KLHL5: variants seen among roughly 807,000 people sequenced by gnomAD.
KLHL5 encodes the protein kelch-like protein 5.
In KLHL5, 48 loss-of-function variants were observed where a neutral mutation model predicts 77.7. That is an observed-to-expected ratio of 0.62 (90% CI 0.49 to 0.79). The LOEUF is 0.79. Ranked by LOEUF, KLHL5 falls within the 30% of genes least tolerant of loss-of-function variation. KLHL5 has a pLI of 0.00. For synonymous variants in KLHL5, 260 were observed against 297.0 expected (o/e 0.88, Z 1.28); for missense variants, 723 against 859.7 (o/e 0.84, Z 1.99).
the KLHL5 span, among the ~76,000 whole-genome samples, chr4:39,141,116 G>A: frequency 6.6e-6 from 1 of 152,092 alleles, no homozygotes; most frequent in African/African-American, 2.4e-5. Flanking sequence ...CAAAGGAAGT[G>A]AGAAGCTGAA....
chr4:39,048,638 CTTTTTTTTT>C (rs34713116), intron 1 of KLHL5, among the ~76,000 whole-genome samples: 37 of 79,134 alleles, frequency 4.7e-4, no homozygotes, highest in Non-Finnish European at 3.7e-4. Context: ...TTTACATTGG[CTTTTTTTTT>C]TTTTTTTTTT....
At chr4:39,116,768 C>T (rs979295183) in intron 10 of KLHL5, among the ~76,000 whole-genome samples, 2 of 152,114 alleles carry the variant, frequency 1.3e-5, no homozygotes, top group Non-Finnish European at 2.9e-5. Flanking sequence ...TCGCTTGAGG[C>T]CAGGAATTCC....
intron 1 of KLHL5, among the ~76,000 whole-genome samples, chr4:39,050,366 A>G (rs1234386323): frequency 6.6e-6 from 1 of 152,246 alleles, no homozygotes; most frequent in African/African-American, 2.4e-5. Flanking sequence ...TCAGAGTCCA[A>G]GGGCAAGAAG....
chr4:39,078,505 G>A (rs1404287867), intron 2 of KLHL5, among the ~76,000 whole-genome samples: 2 of 152,096 alleles, frequency 1.3e-5, no homozygotes, highest in Non-Finnish European at 2.9e-5. Flanking sequence ...GACCAGCCTG[G>A]CCAACATGGC....
intron 8 of KLHL5, among the ~76,000 whole-genome samples, chr4:39,108,559 A>AT (rs1722213284): frequency 6.6e-6 from 1 of 152,058 alleles, no homozygotes. Context: ...GTTATGTTCT[A>AT]TTTTTTGATA....
At chr4:39,104,014 T>TA (rs1721834441) in intron 7 of KLHL5, among the ~76,000 whole-genome samples, 1 of 142,950 alleles carries the variant, frequency 7.0e-6, no homozygotes, top group Non-Finnish European at 1.5e-5. Flanking sequence ...CCAGTGAAGG[T>TA]ATGGTTGAGT....
At chr4:39,094,834 C>G (rs1720910804) in intron 5 of KLHL5, among the ~76,000 whole-genome samples, 1 of 152,074 alleles carries the variant, frequency 6.6e-6, no homozygotes, top group South Asian at 2.1e-4. Flanking sequence ...CACTCATACT[C>G]TATTTAAACA....
intron 5 of KLHL5, among the ~76,000 whole-genome samples, chr4:39,090,061 GTAA>G (rs1720381872): frequency 6.6e-6 from 1 of 152,118 alleles, no homozygotes; most frequent in African/African-American, 2.4e-5. Flanking sequence ...GAGTTATCAA[GTAA>G]TAAAGTTTTG....
chr4:39,124,011 A>G lies in KLHL5; in HGVS notation c.*2945A>G, dbSNP rs146646997. On this transcript the variant is annotated 3_prime_UTR_variant, in exon 11 of 11. Coordinates refer to ENST00000504108, the MANE Select transcript of KLHL5 (RefSeq NM_015990.5). Reference sequence around the variant, plus strand: ...ATGTTGCAGGTTGCAAGATCAACACACAAAAGTCTAAGAAAAACCTGAGGG... The same window carrying G: ...ATGTTGCAGGTTGCAAGATCAACACGCAAAAGTCTAAGAAAAACCTGAGGG... Among the ~76,000 whole-genome samples, 147 of 152,318 alleles carry G rather than the reference A, an allele frequency of 9.7e-4. 1 individual carries two copies. The highest frequency in any genetic ancestry group is 3.3e-3 in the African/African-American group (136 of 41,578).
At chr4:39,134,450 G>A in the KLHL5 span, among the ~76,000 whole-genome samples, 318 of 152,256 alleles carry the variant, frequency 2.1e-3, 1 homozygote, top group African/African-American at 7.2e-3. Context: ...GCTAGTAAAT[G>A]TCAGAGCCAA....
Position 39,062,338 on chromosome 4 carries a change from A to C in KLHL5, c.-315A>C. 7.1e-7 allele frequency: 1 copy of C among 1,413,642 alleles called. No individual in the cohort carries two copies. The highest frequency in any genetic ancestry group is 9.2e-7 in the Non-Finnish European group (1 of 1,089,426). The allele number at this position is 1,413,642 out of a possible 1,614,324, so 87.6% of individuals were successfully genotyped here. On this transcript the variant is annotated 5_prime_UTR_variant, in exon 1 of 11. Transcript: ENST00000504108. The stretch of plus-strand genomic sequence containing the variant: ...TTAATGAATGCTGTCAGTGTTTGTG[A>C]GACCTAATGGTCAGTATGGGAAAGG...
rs181290227 is a variant in KLHL5 at position 39,124,140 on chromosome 4, C to T, written c.*3074C>T. Among the ~76,000 whole-genome samples the T allele has an allele frequency of 2.3e-4, 35 of 152,206 alleles. No individual in the cohort carries two copies. Among genetic ancestry groups the T allele is most frequent in the African/African-American group, 8.2e-4 (34 of 41,538 alleles). On this transcript the variant is annotated 3_prime_UTR_variant, in exon 11 of 11. Transcript: ENST00000504108. ...GACTTGGACACTGAAAAGTACAAAA[C>T]GTTGCTGAAAGAAATTAAAGAAGAC...
At chr4:39,046,414 C>T (rs2110099408) in intron 1 of KLHL5, among the ~76,000 whole-genome samples, 1 of 152,130 alleles carries the variant, frequency 6.6e-6, no homozygotes, top group South Asian at 2.1e-4. Context: ...CTTGGGCTTC[C>T]TGGGAGCTAG....
chr4:39,060,225 A>G (rs893633362), upstream of KLHL5, among the ~76,000 whole-genome samples: 2 of 152,210 alleles, frequency 1.3e-5, no homozygotes, highest in Non-Finnish European at 2.9e-5. Context: ...AATCTCTTAT[A>G]TATGTGTATA....
At chr4:39,128,313 A>G (rs1236587806), downstream of KLHL5, among the ~76,000 whole-genome samples, 1 of 152,100 alleles carries the variant, frequency 6.6e-6, no homozygotes, top group African/African-American at 2.4e-5. Context: ...AGTATCACAG[A>G]TTCTGAAACA....
intron 1 of KLHL5, among the ~76,000 whole-genome samples, chr4:39,067,831 C>T (rs1249282133): frequency 6.6e-6 from 1 of 152,028 alleles, no homozygotes; most frequent in Non-Finnish European, 1.5e-5. Context: ...CAAGCACGTA[C>T]CACCATGCCT....
intron 1 of KLHL5, among the ~76,000 whole-genome samples, chr4:39,064,119 G>T (rs1430067209): frequency 6.6e-6 from 1 of 152,014 alleles, no homozygotes; most frequent in East Asian, 1.9e-4. Flanking sequence ...ATATTTAAGT[G>T]TCTCTTACTT....
rs1473800388 is a variant in KLHL5, at chr4:39,125,969, T to TA, written c.*4903_*4904insA. Among the ~76,000 whole-genome samples, 1 of 152,158 alleles carries TA rather than the reference T, an allele frequency of 6.6e-6. No homozygotes were observed. Among genetic ancestry groups the TA allele is most frequent in the Non-Finnish European group, 1.5e-5 (1 of 68,030 alleles). On this transcript the variant is annotated 3_prime_UTR_variant, in exon 11 of 11. Coordinates refer to ENST00000504108, the MANE Select transcript of KLHL5 (RefSeq NM_015990.5). ...TGGAAGAGAAATTTTTCACTGTAAT[T>TA]TGCAAATAAATGAATTTCTAAAAAT...
intron 4 of KLHL5, among the ~76,000 whole-genome samples, chr4:39,085,412 G>C (rs1388111134): frequency 1.3e-5 from 2 of 152,146 alleles, no homozygotes; most frequent in Non-Finnish European, 2.9e-5. Flanking sequence ...GATAGTTATT[G>C]ATAGTCCTTA....
Sources: allele counts gnomAD v4.1 joint callset (sites outside exome capture counted in the v4.1 genomes callset), GRCh38; gene constraint gnomAD v4.1.1; transcripts MANE v1.5; gene names NCBI Gene and HGNC (gene_info 2026-07-23, HGNC 2026-07-21).